Variants in SORCS2 observed in about 807,000 individuals in gnomAD.
SORCS2 encodes the protein sortilin related VPS10 domain containing receptor 2.
SORCS2 carries 100 observed loss-of-function variants against 141.6 expected under a neutral mutation model. The observed-to-expected ratio is 0.71, with a 90% CI of 0.60 to 0.83. The LOEUF is 0.83. SORCS2 is among the 40% of genes least tolerant of loss of function. The pLI, the probability that SORCS2 is intolerant of heterozygous loss-of-function variation, is 0.00. For missense variants in SORCS2, 1,646 were observed against 1,560.2 expected (o/e 1.05, Z -0.93); for synonymous variants, 789 against 676.9 (o/e 1.17, Z -2.57).
intron 1 of SORCS2, among the ~76,000 whole-genome samples, chr4:7,247,982 T>C (rs1713227277): frequency 1.3e-5 from 2 of 152,200 alleles, no homozygotes; most frequent in Non-Finnish European, 2.9e-5. Flanking sequence ...GAAGAGTCCC[T>C]CTGGGGAAGG....
chr4:7,643,303 C>T lies in SORCS2; in HGVS notation c.813+4811C>T, dbSNP rs780277517. 7.6e-4 allele frequency among the ~76,000 whole-genome samples: 115 copies of T among 152,306 alleles called. 1 individual carries two copies. Among genetic ancestry groups the T allele is most frequent in the African/African-American group, 2.1e-3 (87 of 41,572 alleles). ...GTGAGAGCCCAGCAGTCCCTTCCCA[C>T]GCCAGCTTCCTGGGGGCTGCTGACA... On this transcript the variant is annotated intron_variant, in intron 4 of 26. Coordinates refer to ENST00000507866, the MANE Select transcript of SORCS2 (RefSeq NM_020777.3).
intron 2 of SORCS2, among the ~76,000 whole-genome samples, chr4:7,421,694 C>T (rs1726070668): frequency 6.6e-6 from 1 of 152,162 alleles, no homozygotes; most frequent in Non-Finnish European, 1.5e-5. Flanking sequence ...TGACTGTGCA[C>T]AGGCTCGGCC....
intron 2 of SORCS2, among the ~76,000 whole-genome samples, chr4:7,482,734 CGCTGCGG>C: frequency 1.5e-5 from 2 of 132,178 alleles, no homozygotes; most frequent in Admixed American, 7.4e-5. Flanking sequence ...CCTGTATCCC[CGCTGCGG>C]ACACCCCTGA....
chr4:7,576,329 A>G (rs1460780031), intron 3 of SORCS2, among the ~76,000 whole-genome samples: 1 of 152,234 alleles, frequency 6.6e-6, no homozygotes, highest in Non-Finnish European at 1.5e-5. Flanking sequence ...TAAAGATAAG[A>G]GCACCCTTCC....
chr4:7,332,604 GA>G (rs1719722585), intron 1 of SORCS2, among the ~76,000 whole-genome samples: 1 of 152,206 alleles, frequency 6.6e-6, no homozygotes, highest in Non-Finnish European at 1.5e-5. Flanking sequence ...AGAAGCATAT[GA>G]GGGGTGCTCA....
chr4:7,237,548 T>C (rs1408960649), intron 1 of SORCS2, among the ~76,000 whole-genome samples: 1 of 152,220 alleles, frequency 6.6e-6, no homozygotes, highest in African/African-American at 2.4e-5. Flanking sequence ...TATCTATTTA[T>C]TTATTTATTC....
intron 8 of SORCS2, 37 bp downstream of exon 8, chr4:7,667,250 G>T: frequency 6.3e-7 from 1 of 1,587,908 alleles, no homozygotes; most frequent in Non-Finnish European, 8.6e-7. Context: ...CCTGTGGCCA[G>T]ACCCTAAGCT....
chr4:7,276,813 C>T (rs1715529182), intron 1 of SORCS2, among the ~76,000 whole-genome samples: 1 of 152,178 alleles, frequency 6.6e-6, no homozygotes, highest in Admixed American at 6.5e-5. Flanking sequence ...AGCAGAAGAG[C>T]TTCCATTCAT....
At chr4:7,403,112 T>C (rs1164683543) in intron 2 of SORCS2, among the ~76,000 whole-genome samples, 2 of 152,182 alleles carry the variant, frequency 1.3e-5, no homozygotes, top group African/African-American at 4.8e-5. Flanking sequence ...ATTGTTAGAA[T>C]AGCAATTCTG....
At chr4:7,329,209 G>A (rs1719486887) in intron 1 of SORCS2, among the ~76,000 whole-genome samples, 1 of 152,218 alleles carries the variant, frequency 6.6e-6, no homozygotes, top group South Asian at 2.1e-4. Flanking sequence ...ATGGCCCACA[G>A]AGCCCTGGCT....
intron 2 of SORCS2, among the ~76,000 whole-genome samples, chr4:7,505,629 G>T (rs1732230047): frequency 6.6e-6 from 1 of 152,116 alleles, no homozygotes; most frequent in Non-Finnish European, 1.5e-5. Flanking sequence ...ACAAAGCAGT[G>T]CACACCCAGG....
chr4:7,355,013 A>G (rs1202161654), intron 1 of SORCS2, among the ~76,000 whole-genome samples: 1 of 145,818 alleles, frequency 6.9e-6, no homozygotes, highest in African/African-American at 2.5e-5. Flanking sequence ...AAGCACATAC[A>G]TACACAGAAA....
intron 3 of SORCS2, among the ~76,000 whole-genome samples, chr4:7,590,681 G>C (rs1286218920): frequency 1.3e-5 from 2 of 152,224 alleles, no homozygotes; most frequent in Non-Finnish European, 2.9e-5. Context: ...GAATGGGGCT[G>C]GGCCCACCCA....
chr4:7,740,105 C>G, intron 26 of SORCS2, 95 bp from the exon 27 acceptor site: 2 of 1,078,714 alleles, frequency 1.9e-6, no homozygotes, highest in South Asian at 1.3e-5. Context: ...CACGTTGGCT[C>G]GAGGCACTGC....
In SORCS2 at chr4:7,740,344, A is replaced by G. The variant is rs1712565297; in HGVS notation, c.*80A>G. Reference sequence around the variant, plus strand: ...GCCGGCGGCTGGACTGGCGCCCCTCAGAGACCTGCGGAAAGCCCCCTCCCT... The same window carrying G: ...GCCGGCGGCTGGACTGGCGCCCCTCGGAGACCTGCGGAAAGCCCCCTCCCT... On this transcript the variant is annotated 3_prime_UTR_variant, in exon 27 of 27. Transcript: ENST00000507866. 9 of 1,332,640 alleles carry G rather than the reference A, an allele frequency of 6.8e-6. No individual in the cohort carries two copies. The highest frequency in any genetic ancestry group is 4.3e-5 in the African/African-American group (3 of 69,058). The allele number at this position is 1,332,640 out of a possible 1,614,324, so 82.6% of individuals were successfully genotyped here.
intron 1 of SORCS2, among the ~76,000 whole-genome samples, chr4:7,263,631 G>C (rs368347969): frequency 6.6e-5 from 10 of 152,208 alleles, no homozygotes; most frequent in African/African-American, 1.2e-4. Flanking sequence ...AGCTAAGCCC[G>C]TGGTCTCTGC....
At chr4:7,440,842 C>T (rs796647477) in intron 2 of SORCS2, among the ~76,000 whole-genome samples, 1 of 152,316 alleles carries the variant, frequency 6.6e-6, no homozygotes, top group East Asian at 1.9e-4. Context: ...GATCATTTTC[C>T]AAGCCCTGCT....
At chr4:7,368,378 C>T (rs1459938040) in intron 1 of SORCS2, among the ~76,000 whole-genome samples, 1 of 152,236 alleles carries the variant, frequency 6.6e-6, no homozygotes, top group African/African-American at 2.4e-5. Flanking sequence ...CTCTCAAGCC[C>T]ACCCTCCCAC....
intron 3 of SORCS2, among the ~76,000 whole-genome samples, chr4:7,613,577 C>T (rs765809021): frequency 2.6e-5 from 4 of 152,192 alleles, no homozygotes; most frequent in Non-Finnish European, 5.9e-5. Context: ...CACTAAAGAA[C>T]AAAGAAGCAC....
Sources: allele counts gnomAD v4.1 joint callset (sites outside exome capture counted in the v4.1 genomes callset), GRCh38; gene constraint gnomAD v4.1.1; transcripts MANE v1.5; gene names NCBI Gene and HGNC (gene_info 2026-07-23, HGNC 2026-07-21).